The following NRG1 variants were observed in gnomAD, a reference collection of about 807,000 sequenced individuals.
The protein encoded by NRG1 is neuregulin 1, also known as pro-neuregulin-1, membrane-bound isoform.
NRG1 carries 18 observed loss-of-function variants against 63.8 expected under a neutral mutation model. The ratio of observed to expected loss-of-function variants is 0.28; its 90% CI spans 0.19 to 0.42. NRG1 has a LOEUF of 0.42. Ranked by LOEUF, NRG1 falls within the 10% of genes least tolerant of loss-of-function variation. NRG1 has a pLI of 1.00. For synonymous variants in NRG1, 302 were observed against 301.3 expected (o/e 1.00, Z -0.02); for missense variants, 762 against 814.7 (o/e 0.94, Z 0.79).
At chr8:32,352,403 G>A (rs1805721195) in intron 1 of NRG1, among the ~76,000 whole-genome samples, 2 of 149,250 alleles carry the variant, frequency 1.3e-5, no homozygotes, top group South Asian at 4.3e-4. Flanking sequence ...TATCTACCAT[G>A]TCTTCCAGCT....
intron 1 of NRG1, among the ~76,000 whole-genome samples, chr8:31,876,878 C>T (rs1464944092): frequency 2.6e-5 from 4 of 152,158 alleles, no homozygotes; most frequent in Non-Finnish European, 5.9e-5. Context: ...TAAAGTCAAA[C>T]TCCACTGCCA....
chr8:31,847,714 A>G (rs1229113305), intron 1 of NRG1, among the ~76,000 whole-genome samples: 1 of 152,236 alleles, frequency 6.6e-6, no homozygotes, highest in Non-Finnish European at 1.5e-5. Flanking sequence ...AAATCCATTA[A>G]CATGTGGCAC....
At chr8:32,356,970 T>C (rs1806520456) in intron 1 of NRG1, among the ~76,000 whole-genome samples, 1 of 152,244 alleles carries the variant, frequency 6.6e-6, no homozygotes, top group South Asian at 2.1e-4. Flanking sequence ...TGAAATCCTA[T>C]GGATTAAATC....
At chr8:32,267,668 T>C (rs1851121900) in intron 1 of NRG1, among the ~76,000 whole-genome samples, 1 of 152,214 alleles carries the variant, frequency 6.6e-6, no homozygotes, top group Admixed American at 6.5e-5. Flanking sequence ...GTACATGTGT[T>C]GTGATGTTTT....
At chr8:32,044,420 A>AT (rs1441819054) in intron 1 of NRG1, among the ~76,000 whole-genome samples, 1 of 151,898 alleles carries the variant, frequency 6.6e-6, no homozygotes, top group African/African-American at 2.4e-5. Flanking sequence ...ATGCCTTGAT[A>AT]TAGAAAAGCT....
At chr8:32,241,778 C>A (rs7842747) in intron 1 of NRG1, among the ~76,000 whole-genome samples, 1 of 150,752 alleles carries the variant, frequency 6.6e-6, no homozygotes, top group Admixed American at 6.6e-5. Context: ...TTTGAGACGG[C>A]GTCTTGCTCT....
At chr8:32,472,037 G>A (rs573780141) in intron 1 of NRG1, among the ~76,000 whole-genome samples, 3 of 152,256 alleles carry the variant, frequency 2.0e-5, no homozygotes, top group African/African-American at 7.2e-5. Context: ...TGACTAAACT[G>A]GCCCAGCCAA....
intron 1 of NRG1, among the ~76,000 whole-genome samples, chr8:32,535,940 C>G (rs1279621553): frequency 1.3e-5 from 2 of 152,176 alleles, no homozygotes; most frequent in Non-Finnish European, 2.9e-5. Flanking sequence ...ATCATTACCA[C>G]ACATTCCAAA....
intron 1 of NRG1, among the ~76,000 whole-genome samples, chr8:31,767,457 C>T (rs1471880830): frequency 1.3e-5 from 2 of 152,122 alleles, no homozygotes; most frequent in East Asian, 1.9e-4. Context: ...TTAACAGGAA[C>T]ATTGAACATT....
At chr8:32,443,285 T>C (rs78842320) in intron 1 of NRG1, among the ~76,000 whole-genome samples, 1,952 of 152,236 alleles carry the variant, frequency 0.013, 36 homozygotes, top group African/African-American at 0.045. Context: ...TTTCCATTTG[T>C]CTTTTGCCTC....
At chr8:31,744,113 T>C (rs921538198) in intron 1 of NRG1, among the ~76,000 whole-genome samples, 6 of 151,970 alleles carry the variant, frequency 3.9e-5, no homozygotes, top group Non-Finnish European at 5.9e-5. Context: ...TCTAGAGTAA[T>C]ACACATGTAC....
chr8:31,778,319 A>C (rs767741636), intron 1 of NRG1, among the ~76,000 whole-genome samples: 5 of 152,106 alleles, frequency 3.3e-5, no homozygotes, highest in Non-Finnish European at 7.3e-5. Context: ...ATCCTGGTGG[A>C]AGCATGAAGC....
At chr8:32,488,036 T>C (rs1049964173) in intron 1 of NRG1, among the ~76,000 whole-genome samples, 6 of 152,228 alleles carry the variant, frequency 3.9e-5, no homozygotes, top group African/African-American at 1.2e-4. Flanking sequence ...CACCGCAGTC[T>C]ACCCCTGAAT....
intron 1 of NRG1, among the ~76,000 whole-genome samples, chr8:31,905,533 A>G (rs2129616134): frequency 6.6e-6 from 1 of 152,276 alleles, no homozygotes; most frequent in Middle Eastern, 3.4e-3. Flanking sequence ...TCTGTTCTTA[A>G]GTTATGTTTC....
At chr8:31,775,508 A>T (rs968141659) in intron 1 of NRG1, among the ~76,000 whole-genome samples, 13 of 152,152 alleles carry the variant, frequency 8.5e-5, no homozygotes, top group African/African-American at 2.9e-4. Context: ...TATTCAGGCA[A>T]TGGTCACACT....
At chr8:32,056,436 A>G (rs1822951888) in intron 1 of NRG1, among the ~76,000 whole-genome samples, 1 of 151,890 alleles carries the variant, frequency 6.6e-6, no homozygotes, top group Non-Finnish European at 1.5e-5. Flanking sequence ...TCAACCAACT[A>G]CCTCTCTCCA....
chr8:32,510,990 A>G (rs1053842358), intron 1 of NRG1, among the ~76,000 whole-genome samples: 1 of 49,854 alleles, frequency 2.0e-5, no homozygotes, highest in Non-Finnish European at 4.3e-5. Flanking sequence ...GGGTCTCCCT[A>G]TTTTTTTCCA....
intron 1 of NRG1, among the ~76,000 whole-genome samples, chr8:31,812,940 A>G (rs530063237): frequency 1.3e-5 from 2 of 152,304 alleles, no homozygotes; most frequent in Admixed American, 1.3e-4. Context: ...GTTGGATAGG[A>G]CCACTGAAGC....
chr8:31,928,352 TAAAAAAAAA>T (rs77001238), intron 1 of NRG1, among the ~76,000 whole-genome samples: 4 of 80,102 alleles, frequency 5.0e-5, no homozygotes, highest in African/African-American at 1.5e-4. Context: ...ATGGATGTGG[TAAAAAAAAA>T]AAAAAAAAAA....
Sources: gnomAD v4.1 joint callset for allele counts (sites outside exome capture counted in the v4.1 genomes callset) on GRCh38, gnomAD v4.1.1 for gene constraint, MANE v1.5 for transcripts, NCBI Gene and HGNC (gene_info 2026-07-23, HGNC 2026-07-21) for gene names.